The following CELF2 variants were observed in gnomAD, a reference collection of about 807,000 sequenced individuals.
CELF2 encodes CUGBP Elav-like family member 2, also known as CUG triplet repeat RNA-binding protein 2.
A neutral mutation model predicts 62.6 loss-of-function variants in CELF2; 8 were observed. The ratio of observed to expected loss-of-function variants is 0.13; its 90% CI spans 0.07 to 0.23. The LOEUF is 0.23. Ranked by LOEUF, CELF2 falls within the 10% of genes least tolerant of loss-of-function variation. The pLI, the probability that CELF2 is intolerant of heterozygous loss-of-function variation, is 1.00. For missense variants in CELF2, 333 were observed against 671.0 expected, an observed-to-expected ratio of 0.50 and a Z score of 5.56; for synonymous variants, 258 against 250.0, an observed-to-expected ratio of 1.03 and a Z score of -0.30.
In CELF2 at chr10:10,993,162, A is replaced by T. The variant is rs925247463; in HGVS notation, c.89+73163A>T. ...AGTCAGCAGATCAGTAATAAGGTGTATGAGCTACAAAATAACTGTTGCTTC... is the reference window on the plus strand; with the variant it reads ...AGTCAGCAGATCAGTAATAAGGTGTTTGAGCTACAAAATAACTGTTGCTTC... On this transcript the variant is annotated intron_variant, in intron 2 of 13. Coordinates refer to the CELF2 transcript ENST00000636488. The surrounding 1 kb of genome is among the most constrained non-coding windows in gnomAD (Gnocchi z 5.3). 6.6e-6 allele frequency among the ~76,000 whole-genome samples: 1 copy of T among 151,992 alleles called. No individual in the cohort carries two copies. The highest frequency in any genetic ancestry group is 1.5e-5 in the Non-Finnish European group (1 of 67,912).
chr10:10,614,309 G>A, the CELF2 span, among the ~76,000 whole-genome samples: 1 of 152,006 alleles, frequency 6.6e-6, no homozygotes, highest in South Asian at 2.1e-4. Context: ...CTCTACCAGA[G>A]TGGTAGAAGA....
chr10:10,583,165 G>C, the CELF2 span, among the ~76,000 whole-genome samples: 8 of 152,330 alleles, frequency 5.3e-5, no homozygotes, highest in East Asian at 1.5e-3. Flanking sequence ...TGATTGATAT[G>C]TAACAGTTTG....
intron 5 of CELF2, among the ~76,000 whole-genome samples, chr10:11,266,193 T>G (rs765054732): frequency 1.3e-5 from 2 of 152,136 alleles, no homozygotes; most frequent in East Asian, 3.8e-4. Flanking sequence ...ATGATAAAAT[T>G]TGAAATACAA....
the CELF2 span, among the ~76,000 whole-genome samples, chr10:10,635,770 A>G: frequency 1.3e-5 from 2 of 152,198 alleles, no homozygotes; most frequent in Non-Finnish European, 2.9e-5. Context: ...TGCCTATGAA[A>G]AGGTTTTTAG....
the CELF2 span, among the ~76,000 whole-genome samples, chr10:10,768,514 G>T: frequency 2.0e-5 from 3 of 151,776 alleles, no homozygotes; most frequent in African/African-American, 7.3e-5. Context: ...TATGAAACAG[G>T]TTTTACACCT....
intron 1 of CELF2, among the ~76,000 whole-genome samples, chr10:11,103,370 T>G (rs1374759698): frequency 6.6e-6 from 1 of 151,946 alleles, no homozygotes; most frequent in African/African-American, 2.4e-5. Flanking sequence ...CATAACATTA[T>G]AGAAGCTTTT....
At chr10:11,136,562 C>T (rs891952043) in intron 1 of CELF2, among the ~76,000 whole-genome samples, 15 of 152,106 alleles carry the variant, frequency 9.9e-5, no homozygotes, top group Admixed American at 6.5e-4. Context: ...TGAGATTGCT[C>T]CACTGCATTC....
At position 11,246,347 on chromosome 10, in the gene CELF2, A is replaced by G. The variant is rs2075604314; in HGVS notation, c.355-2806A>G. Among the ~76,000 whole-genome samples, 1 of 152,086 alleles carries G rather than the reference A, an allele frequency of 6.6e-6. No individual in the cohort carries two copies. The highest frequency in any genetic ancestry group is 2.1e-4 in the South Asian group (1 of 4,824). ...TCTTTTCAGCAGATGAACCTGTATA[A>G]GTCTTTCCTGTCTTGAAAGGACAGA... On this transcript the variant is annotated intron_variant, in intron 3 of 12. Coordinates refer to ENST00000633077, the MANE Select transcript of CELF2 (RefSeq NM_001326342.2). This position sits in a 1 kb window ranked among gnomAD's most constrained non-coding sequence, Gnocchi z 4.6.
chr10:10,898,581 G>C (rs9424112), intron 1 of CELF2, among the ~76,000 whole-genome samples: 5 of 152,012 alleles, frequency 3.3e-5, no homozygotes, highest in African/African-American at 9.7e-5. Context: ...AGAAGATGTC[G>C]TAATTCTAAA....
At chr10:10,922,793 G>A (rs980808121) in intron 2 of CELF2, 1 of 152,168 alleles carries the variant, frequency 6.6e-6, no homozygotes, top group Admixed American at 6.5e-5. Flanking sequence ...ACTGCCTGGC[G>A]ATAAAGGAGT....
At chr10:11,034,433 A>G (rs1384919526) in intron 1 of CELF2, among the ~76,000 whole-genome samples, 1 of 152,106 alleles carries the variant, frequency 6.6e-6, no homozygotes, top group Non-Finnish European at 1.5e-5. Flanking sequence ...TACTAAGAAC[A>G]CTGGAAGAAA....
the CELF2 span, among the ~76,000 whole-genome samples, chr10:10,579,625 G>A: frequency 6.6e-6 from 1 of 151,982 alleles, no homozygotes; most frequent in South Asian, 2.1e-4. Flanking sequence ...TACAGCAAGA[G>A]GATAAACATA....
Position 10,996,438 on chromosome 10 carries a change from C to T in CELF2, c.89+76439C>T, listed in dbSNP as rs530560020. Among the ~76,000 whole-genome samples, 9 of 152,282 alleles carry T rather than the reference C, an allele frequency of 5.9e-5. No homozygotes were observed. In the East Asian group the frequency reaches 1.2e-3, roughly 20 times the overall value. ...GACCTCTAGGGTCTTCCTCTGTCCC[C>T]GCCTCCTTTCTCCGGGCATGTGCAG... On this transcript the variant is annotated intron_variant, in intron 2 of 13. Transcript: ENST00000636488.
the CELF2 span, among the ~76,000 whole-genome samples, chr10:10,511,688 A>C: frequency 1.3e-5 from 2 of 152,058 alleles, no homozygotes; most frequent in African/African-American, 4.8e-5. Context: ...ATCTCGGGTA[A>C]TTTCTTTCAA....
chr10:11,229,735 A>T (rs1479009513), intron 3 of CELF2, among the ~76,000 whole-genome samples: 4 of 152,052 alleles, frequency 2.6e-5, no homozygotes, highest in Admixed American at 6.6e-5. Context: ...GATTATAGGC[A>T]TGTGCCACCA....
At chr10:11,139,948 T>TA (rs1472425281) in intron 1 of CELF2, among the ~76,000 whole-genome samples, 1 of 152,082 alleles carries the variant, frequency 6.6e-6, no homozygotes. Flanking sequence ...GTTAATATGG[T>TA]AGAGTAAGCC....
At chr10:10,580,393 T>G in the CELF2 span, among the ~76,000 whole-genome samples, 1 of 152,184 alleles carries the variant, frequency 6.6e-6, no homozygotes, top group East Asian at 1.9e-4. Context: ...CTCCAGATTC[T>G]ATTTCTTCCA....
At chr10:11,288,357 G>GT in intron 8 of CELF2, 61 bp from the exon 9 acceptor site, 1 of 1,591,448 alleles carries the variant, frequency 6.3e-7, no homozygotes, top group Non-Finnish European at 8.6e-7. Flanking sequence ...GCCTGCTCTT[G>GT]TTTGGAAACT....
rs968846503 is a variant in CELF2 at position 11,315,963 on chromosome 10, T to G, written c.1096+1705T>G. The stretch of plus-strand genomic sequence containing the variant: ...CTGCAGAGTAACAGGCCAGTGGGAA[T>G]GGTTGTCCTCCTCAGCACGTGCTCA... On this transcript the variant is annotated intron_variant, in intron 10 of 12. Coordinates refer to ENST00000633077, the MANE Select transcript of CELF2 (RefSeq NM_001326342.2). The surrounding 1 kb of genome is among the most constrained non-coding windows in gnomAD (Gnocchi z 5.8). Among the ~76,000 whole-genome samples, 10 of 152,366 alleles carry G rather than the reference T, an allele frequency of 6.6e-5. No homozygotes were observed. The highest frequency in any genetic ancestry group is 2.0e-4 in the Admixed American group (3 of 15,298).
Sources: allele counts gnomAD v4.1 joint callset (sites outside exome capture counted in the v4.1 genomes callset), GRCh38; gene constraint gnomAD v4.1.1; non-coding constraint Gnocchi (gnomAD v3.1); transcripts MANE v1.5; gene names NCBI Gene and HGNC (gene_info 2026-07-23, HGNC 2026-07-21).